Variants in GTF2H3 observed in about 807,000 individuals in gnomAD.
The protein encoded by GTF2H3 is TFIIH basal transcription factor complex p34 subunit.
In GTF2H3, 42 loss-of-function variants were observed where a neutral mutation model predicts 51.1. That is an observed-to-expected ratio of 0.82 (90% CI 0.64 to 1.06). GTF2H3 has a LOEUF of 1.06. Among genes scored for constraint, GTF2H3 ranks in the 50% least tolerant of loss-of-function variants. The probability of loss-of-function intolerance (pLI) is 0.00; values close to 1 mark genes in which losing one functional copy is unlikely to be tolerated. For missense variants in GTF2H3, 326 were observed against 366.1 expected, an observed-to-expected ratio of 0.89 and a Z score of 0.89; for synonymous variants, 123 against 123.8, an observed-to-expected ratio of 0.99 and a Z score of 0.04.
chr12:123,651,186 T>C (rs1362170335), intron 5 of GTF2H3, 130 bp downstream of exon 5: 1 of 617,740 alleles, frequency 1.6e-6, no homozygotes, highest in African/African-American at 1.9e-5. Flanking sequence ...GGGTAATTTT[T>C]TAAAAAATAG....
intron 4 of GTF2H3, among the ~76,000 whole-genome samples, chr12:123,648,893 ATCC>A (rs753946396): frequency 6.6e-6 from 1 of 152,108 alleles, no homozygotes; most frequent in African/African-American, 2.4e-5. Context: ...GGCTCAAGCT[ATCC>A]TCCTGCTTCT....
At chr12:123,658,866 A>G (rs1287194498) in intron 9 of GTF2H3, among the ~76,000 whole-genome samples, 1 of 152,216 alleles carries the variant, frequency 6.6e-6, no homozygotes, top group African/African-American at 2.4e-5. Flanking sequence ...ATTCAAAAAT[A>G]AGACAAATAA....
chr12:123,643,047 G>T (rs1490888018), intron 2 of GTF2H3, among the ~76,000 whole-genome samples: 1 of 152,012 alleles, frequency 6.6e-6, no homozygotes, highest in Non-Finnish European at 1.5e-5. Flanking sequence ...AATTTTTTGT[G>T]TGTGTATTTT....
At chr12:123,651,115 T>G in intron 5 of GTF2H3, 59 bp downstream of exon 5, 1 of 1,280,758 alleles carries the variant, frequency 7.8e-7, no homozygotes, top group Non-Finnish European at 1.1e-6. Flanking sequence ...TATCTTAACT[T>G]GTGACATTTC....
intron 2 of GTF2H3, among the ~76,000 whole-genome samples, chr12:123,639,756 G>C (rs1023215580): frequency 1.3e-5 from 2 of 152,094 alleles, no homozygotes; most frequent in Admixed American, 6.6e-5. Flanking sequence ...GATACAGAGA[G>C]GTCCTGTGTA....
chr12:123,639,867 A>C, intron 2 of GTF2H3: 1 of 418,468 alleles, frequency 2.4e-6, no homozygotes, highest in Middle Eastern at 3.4e-4. Context: ...TGCAGGTTTT[A>C]CATGTGCTCA....
chr12:123,655,931 A>G (rs555600805), intron 9 of GTF2H3, 107 bp downstream of exon 9: 80 of 703,472 alleles, frequency 1.1e-4, no homozygotes, highest in Middle Eastern at 7.3e-4. Flanking sequence ...TAAATAAAAT[A>G]TGTTATTCAG....
chr12:123,641,708 T>C (rs1188997279), intron 2 of GTF2H3, among the ~76,000 whole-genome samples: 1 of 152,158 alleles, frequency 6.6e-6, no homozygotes, highest in Non-Finnish European at 1.5e-5. Flanking sequence ...TCTGCTATTT[T>C]GTTATTTGTT....
intron 4 of GTF2H3, chr12:123,649,965 CT>C (rs1324867394): frequency 1.3e-5 from 2 of 152,200 alleles, no homozygotes; most frequent in African/African-American, 4.8e-5. Flanking sequence ...CACTCAGTTT[CT>C]GATTCACTGG....
intron 9 of GTF2H3, among the ~76,000 whole-genome samples, chr12:123,658,179 C>G (rs11057323): frequency 0.062 from 9,395 of 152,106 alleles, 953 homozygotes; most frequent in African/African-American, 0.21. Flanking sequence ...CACTCAGTCT[C>G]CCAAGTATCT....
intron 9 of GTF2H3, 174 bp downstream of exon 9, chr12:123,655,998 T>A: frequency 2.0e-6 from 1 of 495,170 alleles, no homozygotes; most frequent in Admixed American, 3.2e-5. Flanking sequence ...AAATTTTAAA[T>A]TACATATTGC....
At chr12:123,639,187 A>G (rs1955332294) in intron 1 of GTF2H3, 77 bp from the exon 2 acceptor site, 2 of 737,890 alleles carry the variant, frequency 2.7e-6, no homozygotes, top group African/African-American at 3.5e-5. Flanking sequence ...GATTTAATTT[A>G]TGAATTGGGA....
rs573318063 is a variant in GTF2H3 at position 123,659,885 on chromosome 12, C to T, written c.775C>T (p.Arg259Ter). ...VDYRAACFCH[R>*]NLIEIGYVCS... is the part of the protein sequence containing the mutation. ...CTACAGGGCTGCTTGCTTCTGTCATCGAAATCTCATTGAAATTGGTTATGT... is the reference window on the plus strand; with the variant it reads ...CTACAGGGCTGCTTGCTTCTGTCATTGAAATCTCATTGAAATTGGTTATGT... The change falls in exon 11 of 13, where the codon CGA becomes TGA. Residue 259 changes from arginine (R) to a stop codon, truncating the protein, a stop_gained. Transcript: ENST00000543341. LOFTEE classifies it high-confidence loss of function. 8.7e-6 allele frequency: 14 copies of T among 1,614,060 alleles called. No homozygotes were observed. The highest frequency in any genetic ancestry group is 2.2e-5 in the East Asian group (1 of 44,888).
chr12:123,652,060 C>A, intron 5 of GTF2H3, among the ~76,000 whole-genome samples: 1 of 152,100 alleles, frequency 6.6e-6, no homozygotes, highest in Admixed American at 6.5e-5. Context: ...ATGAGTGGCT[C>A]CTTCTCCATA....
Position 123,645,860 on chromosome 12 carries a change from T to C in GTF2H3, c.200+299T>C, listed in dbSNP as rs11572954. On this transcript the variant is annotated intron_variant, in intron 3 of 12. Coordinates refer to ENST00000543341, the MANE Select transcript of GTF2H3 (RefSeq NM_001516.5). ...AATCGGACAGCTACTTTCCCTCACC[T>C]GTCTTCCCATTTTGTGTCTGCCCCA... Among the ~76,000 whole-genome samples the C allele has an allele frequency of 1.7e-3, 258 of 152,344 alleles. 6 individuals are homozygous for C. The East Asian group carries it at 0.04, about 23-fold the overall frequency.
intron 9 of GTF2H3, 48 bp downstream of exon 9, chr12:123,655,872 A>G: frequency 8.9e-7 from 1 of 1,118,348 alleles, no homozygotes. Flanking sequence ...ACAATTAGTG[A>G]TTTTTATATT....
Position 123,639,267 on chromosome 12 carries a change from A to T in GTF2H3, c.17A>T (p.Asp6Val), listed in dbSNP as rs764719535. The change falls in exon 2 of 13, where the codon GAT becomes GTT. Residue 6 changes from aspartate to valine, a missense_variant. Asp to Val is a radical substitution (Grantham distance 152). Transcript: ENST00000543341. ...TATTTCTTGTTAATATTTTCAGAAGATGAATTGAATCTTCTGGTTATTGTA... is the reference window on the plus strand; with the variant it reads ...TATTTCTTGTTAATATTTTCAGAAGTTGAATTGAATCTTCTGGTTATTGTA... MVSDE[D>V]ELNLLVIVVD... 11 of 1,468,438 alleles carry T rather than the reference A, an allele frequency of 7.5e-6. No individual in the cohort carries two copies. Among genetic ancestry groups the T allele is most frequent in the African/African-American group, 1.4e-5 (1 of 72,150 alleles). The allele number at this position is 1,468,438 out of a possible 1,614,324, so 91.0% of individuals were successfully genotyped here.
At chr12:123,638,096 C>T (rs1955311443) in intron 1 of GTF2H3, among the ~76,000 whole-genome samples, 1 of 152,078 alleles carries the variant, frequency 6.6e-6, no homozygotes, top group South Asian at 2.1e-4. Flanking sequence ...TTCCCGGTCT[C>T]AAGCGATCCT....
At chr12:123,637,505 T>C (rs1955301979) in intron 1 of GTF2H3, among the ~76,000 whole-genome samples, 1 of 120,156 alleles carries the variant, frequency 8.3e-6, no homozygotes. Flanking sequence ...GTTTTTTAAC[T>C]TTTTTTTTTT....
Sources: gnomAD v4.1 joint callset for allele counts (sites outside exome capture counted in the v4.1 genomes callset) on GRCh38, gnomAD v4.1.1 for gene constraint, MANE v1.5 for transcripts, NCBI Gene and HGNC (gene_info 2026-07-23, HGNC 2026-07-21) for gene names.